The following ZNF708 variants were observed in gnomAD, a reference collection of about 807,000 sequenced individuals.
ZNF708 encodes zinc finger protein 708.
ZNF708 carries 44 observed loss-of-function variants against 47.0 expected under a neutral mutation model. The observed-to-expected ratio is 0.94, with a 90% CI of 0.74 to 1.20. ZNF708 has a LOEUF of 1.20. ZNF708 is among the 50% of genes most tolerant of loss of function. ZNF708 has a pLI of 0.00. For missense variants in ZNF708, 557 were observed against 656.0 expected (o/e 0.85, Z 1.65); for synonymous variants, 184 against 218.5 (o/e 0.84, Z 1.39).
rs1293374568 is a variant in ZNF708, at chr19:21,291,778, T to A, written c.*1496A>T. Reference sequence around the variant, plus strand: ...TACTCAGTAGGCTGAGGCAGGAGAATTGCTTGAACCCAGGAGGCAGAGGTT... The same window carrying A: ...TACTCAGTAGGCTGAGGCAGGAGAAATGCTTGAACCCAGGAGGCAGAGGTT... On this transcript the variant is annotated 3_prime_UTR_variant, in exon 4 of 4. Transcript: ENST00000356929. The A allele has an allele frequency of 1.3e-5, 2 of 152,098 alleles. No homozygotes were observed. Among genetic ancestry groups the A allele is most frequent in the Non-Finnish European group, 2.9e-5 (2 of 68,148 alleles). 9.4% of individuals were successfully genotyped at this position (152,098 alleles called of 1,614,324 possible).
chr19:21,317,504 C>G (rs377642350), intron 1 of ZNF708, among the ~76,000 whole-genome samples: 45 of 152,290 alleles, frequency 3.0e-4, no homozygotes, highest in African/African-American at 9.9e-4. Context: ...TAGAGTAAAG[C>G]TTGGTTGACA....
rs778850574 is a variant in ZNF708, at chr19:21,294,686, A to C, written c.280T>G (p.Ser94Ala). 3.1e-6 allele frequency: 5 copies of C among 1,613,624 alleles called. No homozygotes were observed. The highest frequency in any genetic ancestry group is 1.1e-5 in the South Asian group (1 of 91,010). Residue 94 changes from serine (S) to alanine (A), a missense_variant, in exon 4 of 4, where the codon TCT becomes GCT. Ser to Ala is a moderately conservative substitution (Grantham distance 99). Coordinates refer to ENST00000356929, the MANE Select transcript of ZNF708 (RefSeq NM_021269.3). ...CTTCTCAGTATCACTTGTTGGAAAG[A>C]ATTTTTTATATATTGCTCTGGCCTA... ...DLRPEQYIKN[S>A]FQQVILRRYG...
chr19:21,327,301 G>A (rs1347173683), intron 1 of ZNF708, among the ~76,000 whole-genome samples: 3 of 152,066 alleles, frequency 2.0e-5, no homozygotes, highest in Middle Eastern at 3.4e-3. Context: ...AGGCCGAGGC[G>A]GGCGGATCAC....
intron 1 of ZNF708, 108 bp from the exon 2 acceptor site, chr19:21,310,735 G>C (rs1182186813): frequency 7.0e-6 from 6 of 858,278 alleles, no homozygotes; most frequent in Non-Finnish European, 8.0e-6. Context: ...CTGACTTATA[G>C]GAGTGACTGA....
At chr19:21,311,302 C>T (rs2145171651) in intron 1 of ZNF708, among the ~76,000 whole-genome samples, 1 of 151,930 alleles carries the variant, frequency 6.6e-6, no homozygotes, top group South Asian at 2.1e-4. Context: ...CATAAAGATA[C>T]TTAATAATGA....
chr19:21,307,500 T>C (rs1484302314), intron 3 of ZNF708, among the ~76,000 whole-genome samples: 2 of 152,034 alleles, frequency 1.3e-5, no homozygotes, highest in African/African-American at 4.8e-5. Flanking sequence ...CACAAGCCTG[T>C]AATCCCAGCT....
At chr19:21,298,592 C>CA (rs954109125) in intron 3 of ZNF708, among the ~76,000 whole-genome samples, 6 of 151,358 alleles carry the variant, frequency 4.0e-5, no homozygotes, top group African/African-American at 1.5e-4. Flanking sequence ...CAACAATCTT[C>CA]AAAAAAAGGA....
intron 1 of ZNF708, among the ~76,000 whole-genome samples, chr19:21,324,320 C>T (rs1973214225): frequency 6.6e-6 from 1 of 152,158 alleles, no homozygotes; most frequent in African/African-American, 2.4e-5. Context: ...GTAATCCCAG[C>T]ACTTTGGGAG....
chr19:21,295,941 G>A (rs184153677), intron 3 of ZNF708, among the ~76,000 whole-genome samples: 1 of 151,932 alleles, frequency 6.6e-6, no homozygotes, highest in East Asian at 1.9e-4. Context: ...AATGAAACAG[G>A]AACACAGACA....
intron 1 of ZNF708, among the ~76,000 whole-genome samples, chr19:21,320,612 A>G (rs956442941): frequency 6.6e-6 from 1 of 151,554 alleles, no homozygotes; most frequent in Non-Finnish European, 1.5e-5. Context: ...AGGACTGCTC[A>G]AGCCCAGGAG....
intron 3 of ZNF708, among the ~76,000 whole-genome samples, chr19:21,301,509 C>T (rs575447261): frequency 4.6e-5 from 7 of 151,872 alleles, no homozygotes; most frequent in East Asian, 3.9e-4. Flanking sequence ...CCAGCTACTC[C>T]GGAGGCTGAG....
Position 21,293,339 on chromosome 19 carries a change from G to C in ZNF708, c.1627C>G (p.Gln543Glu). Reference sequence around the variant, plus strand: ...TTATGTTTAGTAAGGTTTGGGGACTGGTTAAAGGCTTTGCCACATTCTTCA... The same window carrying C: ...TTATGTTTAGTAAGGTTTGGGGACTCGTTAAAGGCTTTGCCACATTCTTCA... ...KCEECGKAFN[Q>E]SPNLTKHKRI... Residue 543 changes from glutamine to glutamate, a missense_variant, in exon 4 of 4, where the codon CAG (glutamine) becomes GAG (glutamate). Gln to Glu is a conservative substitution (Grantham distance 29). Transcript: ENST00000356929. 1 of 1,607,880 alleles carries C rather than the reference G, an allele frequency of 6.2e-7. No homozygotes were observed. Among genetic ancestry groups the C allele is most frequent in the Non-Finnish European group, 8.5e-7 (1 of 1,177,914 alleles).
chr19:21,319,035 ATT>A (rs1251495562), intron 1 of ZNF708, among the ~76,000 whole-genome samples: 1 of 152,184 alleles, frequency 6.6e-6, no homozygotes, highest in African/African-American at 2.4e-5. Flanking sequence ...ATTTTTAAAC[ATT>A]GTCTATAACC....
intron 3 of ZNF708, among the ~76,000 whole-genome samples, chr19:21,303,087 A>AG (rs1226302999): frequency 6.6e-6 from 1 of 152,296 alleles, no homozygotes; most frequent in African/African-American, 2.4e-5. Context: ...GTCTCTACAA[A>AG]AAAAAATACA....
intron 1 of ZNF708, among the ~76,000 whole-genome samples, chr19:21,311,223 T>C (rs1225281298): frequency 1.3e-5 from 2 of 151,670 alleles, no homozygotes; most frequent in African/African-American, 2.4e-5. Context: ...CAAAGACATA[T>C]GTATACAAGG....
intron 1 of ZNF708, among the ~76,000 whole-genome samples, chr19:21,328,821 A>G (rs1488047850): frequency 6.6e-6 from 1 of 152,178 alleles, no homozygotes; most frequent in Non-Finnish European, 1.5e-5. Flanking sequence ...CAGATTTTTA[A>G]TAGGAGAAAA....
intron 2 of ZNF708, among the ~76,000 whole-genome samples, chr19:21,310,269 A>AC (rs908289902): frequency 1.3e-5 from 2 of 151,522 alleles, no homozygotes; most frequent in African/African-American, 4.8e-5. Context: ...ACATGGTAAG[A>AC]CCCCATCTCT....
At chr19:21,304,851 C>A (rs1233469063) in intron 3 of ZNF708, among the ~76,000 whole-genome samples, 2 of 152,028 alleles carry the variant, frequency 1.3e-5, no homozygotes, top group Non-Finnish European at 2.9e-5. Flanking sequence ...ACAGCCTGGG[C>A]AACAGAGTAA....
chr19:21,321,602 A>AG (rs775123852), intron 1 of ZNF708, among the ~76,000 whole-genome samples: 38 of 117,488 alleles, frequency 3.2e-4, no homozygotes, highest in Non-Finnish European at 1.5e-4. Context: ...AGAGAAGGGA[A>AG]GGGAAGGGAA....
Sources: allele counts gnomAD v4.1 joint callset (sites outside exome capture counted in the v4.1 genomes callset), GRCh38; gene constraint gnomAD v4.1.1; transcripts MANE v1.5; gene names NCBI Gene and HGNC (gene_info 2026-07-23, HGNC 2026-07-21).